The following PIK3R1 variants were observed in gnomAD, a reference collection of about 807,000 sequenced individuals.
PIK3R1 encodes phosphoinositide-3-kinase regulatory subunit 1.
In PIK3R1, 29 loss-of-function variants were observed where a neutral mutation model predicts 98.0. The observed-to-expected ratio is 0.30, with a 90% CI of 0.22 to 0.40. The LOEUF (loss-of-function observed/expected upper bound fraction) is 0.40. Ranked by LOEUF, PIK3R1 falls within the 10% of genes least tolerant of loss-of-function variation. The pLI is 1.00. For missense variants in PIK3R1, 596 were observed against 872.7 expected (o/e 0.68, Z 3.99); for synonymous variants, 282 against 311.8 (o/e 0.90, Z 1.01).
intron 11 of PIK3R1, 114 bp from the exon 12 acceptor site, chr5:68,294,422 A>T (rs187360022): frequency 1.6e-6 from 1 of 644,542 alleles, no homozygotes; most frequent in East Asian, 3.1e-5. Flanking sequence ...AATGGATTTT[A>T]TGAATTTGAG....
At chr5:68,282,041 A>C (rs1417472491) in intron 7 of PIK3R1, among the ~76,000 whole-genome samples, 1 of 152,184 alleles carries the variant, frequency 6.6e-6, no homozygotes, top group Admixed American at 6.5e-5. Flanking sequence ...GGAAAGGTTT[A>C]TGTGGACAGG....
chr5:68,296,106 G>T, intron 14 of PIK3R1, 65 bp from the exon 15 acceptor site: 1 of 1,517,442 alleles, frequency 6.6e-7, no homozygotes, highest in South Asian at 1.2e-5. Flanking sequence ...GCCTAGGGAA[G>T]ACAGCAAGGC....
chr5:68,260,952 A>G (rs970958080), intron 2 of PIK3R1, among the ~76,000 whole-genome samples: 2 of 152,244 alleles, frequency 1.3e-5, no homozygotes, highest in African/African-American at 4.8e-5. Context: ...AATGTATACC[A>G]AAACACTATT....
chr5:68,295,456 G>T lies in PIK3R1; in HGVS notation c.1782G>T (p.Leu594Phe). ...LTQKGVRQKK[L>F]NEWLGNENTE... ...AAAAAGGTGTTCGGCAAAAGAAGTT[G>T]AACGAGTGGTTGGGCAATGAAAACA... Residue 594 changes from leucine (L) to phenylalanine (F), a missense_variant, in exon 14 of 16, where the codon TTG (leucine) becomes TTT (phenylalanine). This residue lies in a region of PIK3R1 where 207 missense variants were observed against 361.4 expected (regional missense o/e 0.57). Transcript: ENST00000521381. The T allele has an allele frequency of 1.2e-6, 2 of 1,614,170 alleles. No homozygotes were observed. The highest frequency in any genetic ancestry group is 2.2e-5 in the South Asian group (2 of 91,080).
At chr5:68,264,603 G>A (rs1746047367) in intron 2 of PIK3R1, among the ~76,000 whole-genome samples, 1 of 152,152 alleles carries the variant, frequency 6.6e-6, no homozygotes, top group Non-Finnish European at 1.5e-5. Context: ...CACTACATGG[G>A]AATTAATCAG....
intron 2 of PIK3R1, among the ~76,000 whole-genome samples, chr5:68,262,224 C>T (rs1406681236): frequency 6.6e-6 from 1 of 151,724 alleles, no homozygotes; most frequent in Non-Finnish European, 1.5e-5. Context: ...TTGCCCCTTC[C>T]TTTCACCAGT....
In PIK3R1 at chr5:68,226,492, C is replaced by G. The variant is rs1744279400; in HGVS notation, c.-184C>G. 5 of 567,196 alleles carry G rather than the reference C, an allele frequency of 8.8e-6. No homozygotes were observed. The highest frequency in any genetic ancestry group is 1.2e-5 in the Non-Finnish European group (4 of 321,382). The allele number at this position is 567,196 out of a possible 1,614,324, so 35.1% of individuals were successfully genotyped here. A position where few individuals can be genotyped will look rare whatever the true frequency, so the allele number is the denominator to read the frequency against. ...CTTCGGTCACACCATTGATGGAGGA[C>G]AGATGGACAGCCGTATGGCCAGTCA... On this transcript the variant is annotated 5_prime_UTR_variant, in exon 2 of 16. Coordinates refer to ENST00000521381, the MANE Select transcript of PIK3R1 (RefSeq NM_181523.3).
chr5:68,290,917 T>C, intron 7 of PIK3R1: 1 of 852,480 alleles, frequency 1.2e-6, no homozygotes, highest in Non-Finnish European at 1.8e-6. Context: ...AGATCCTTTT[T>C]GGATTTCTGT....
chr5:68,251,082 C>T (rs1049676830), intron 2 of PIK3R1, among the ~76,000 whole-genome samples: 2 of 152,108 alleles, frequency 1.3e-5, no homozygotes, highest in African/African-American at 2.4e-5. Context: ...AGGATAAAAA[C>T]CAGTCAGCAC....
chr5:68,295,131 G>A lies in PIK3R1; in HGVS notation c.1569-17G>A, dbSNP rs780706346. 6.0e-5 allele frequency: 96 copies of A among 1,608,388 alleles called. No individual in the cohort carries two copies. The highest frequency in any genetic ancestry group is 7.1e-5 in the Non-Finnish European group (83 of 1,176,290). On this transcript the variant is annotated splice_polypyrimidine_tract_variant and intron_variant, in intron 12 of 15. Transcript: ENST00000521381. ...GATGTACCCAGATAATAACAAATAC[G>A]TTTCTTTTGCCTGCAGGATTATGCA...
chr5:68,246,305 G>T (rs890163811), intron 2 of PIK3R1, among the ~76,000 whole-genome samples: 6 of 140,034 alleles, frequency 4.3e-5, no homozygotes, highest in African/African-American at 1.7e-4. Flanking sequence ...TGTCCACTTG[G>T]TGTGTATATT....
chr5:68,221,236 C>A (rs897138804), intron 1 of PIK3R1, among the ~76,000 whole-genome samples: 2 of 152,216 alleles, frequency 1.3e-5, no homozygotes, highest in African/African-American at 4.8e-5. Context: ...TATAACAACA[C>A]AAAATGGACT....
chr5:68,240,583 T>C (rs1209900931), intron 2 of PIK3R1, among the ~76,000 whole-genome samples: 1 of 152,224 alleles, frequency 6.6e-6, no homozygotes, highest in African/African-American at 2.4e-5. Flanking sequence ...TACTCTTGTT[T>C]TCTTTGCCAG....
In PIK3R1 at chr5:68,301,392, G is replaced by GTGTATA. The variant is rs1748060017; in HGVS notation, c.*3792_*3793insGTATAT. On this transcript the variant is annotated 3_prime_UTR_variant, in exon 16 of 16. Transcript: ENST00000521381. ...TGTGTGTGTGTGTGTGTGTGTGTGT[G>GTGTATA]TATATATATATATATATATATATAT... The GTGTATA allele has an allele frequency of 2.2e-5, 1 of 45,336 alleles. No homozygotes were observed. Among genetic ancestry groups the GTGTATA allele is most frequent in the Non-Finnish European group, 3.7e-5 (1 of 27,058 alleles). The allele number at this position is 45,336 out of a possible 1,614,324, so 2.8% of individuals were successfully genotyped here. A position where few individuals can be genotyped will look rare whatever the true frequency, so the allele number is the denominator to read the frequency against.
intron 7 of PIK3R1, chr5:68,288,298 T>TCCCCTC: frequency 1.9e-6 from 1 of 520,462 alleles, no homozygotes; most frequent in East Asian, 7.1e-5. Context: ...TGACTTGGGC[T>TCCCCTC]CCCCTCCCCC....
At chr5:68,290,679 G>T in intron 7 of PIK3R1, 1 of 1,578,044 alleles carries the variant, frequency 6.3e-7, no homozygotes. Flanking sequence ...TACAAAGAAA[G>T]CCGGACTCTT....
At chr5:68,289,781 A>G (rs1747284035) in intron 7 of PIK3R1, among the ~76,000 whole-genome samples, 1 of 150,542 alleles carries the variant, frequency 6.6e-6, no homozygotes, top group African/African-American at 2.4e-5. Flanking sequence ...AAAAAAAAAA[A>G]AAAAAGTGAT....
chr5:68,233,841 TA>T (rs1744568665), intron 2 of PIK3R1, among the ~76,000 whole-genome samples: 1 of 152,208 alleles, frequency 6.6e-6, no homozygotes, highest in African/African-American at 2.4e-5. Context: ...TTATACCACC[TA>T]AGGCATGGCT....
At position 68,229,720 on chromosome 5, in the gene PIK3R1, T is replaced by C. The variant is rs77990991; in HGVS notation, c.334+2711T>C. ...TTAGACTCTGGCCAAGAGTACGTTC[T>C]GTGAGAGATTCCTCCCTGTACGATA... On this transcript the variant is annotated intron_variant, in intron 2 of 15. Transcript: ENST00000521381. 3.9e-4 allele frequency among the ~76,000 whole-genome samples: 59 copies of C among 152,362 alleles called. 1 individual carries two copies. The East Asian group carries it at 0.011, about 27-fold the overall frequency.
Sources: gnomAD v4.1 joint callset for allele counts (sites outside exome capture counted in the v4.1 genomes callset) on GRCh38, gnomAD v4.1.1 for gene constraint, gnomAD v4.1.1 regional missense constraint, MANE v1.5 for transcripts, NCBI Gene and HGNC (gene_info 2026-07-23, HGNC 2026-07-21) for gene names.